The following IQCJ variants were observed in gnomAD, a reference collection of about 807,000 sequenced individuals.
IQCJ encodes the protein IQ domain-containing protein J.
A neutral mutation model predicts 11.0 loss-of-function variants in IQCJ; 9 were observed. The ratio of observed to expected loss-of-function variants is 0.82; its 90% CI spans 0.49 to 1.43. The LOEUF (loss-of-function observed/expected upper bound fraction) is 1.43. IQCJ is among the 40% of genes most tolerant of loss of function. The pLI is 0.00. For synonymous variants in IQCJ, 55 were observed against 51.3 expected, an observed-to-expected ratio of 1.07 and a Z score of -0.31; for missense variants, 146 against 133.2, an observed-to-expected ratio of 1.10 and a Z score of -0.47.
intron 1 of IQCJ, among the ~76,000 whole-genome samples, chr3:159,201,502 T>C (rs1431831499): frequency 7.9e-6 from 1 of 125,872 alleles, no homozygotes; most frequent in African/African-American, 2.9e-5. Flanking sequence ...GGTGATTCTT[T>C]GTGTATCTCT....
rs1275184100 is a variant in IQCJ at position 159,252,791 on chromosome 3, G to A, written c.139G>A (p.Glu47Lys). ...EKYPLNLQPL[E>K]SKVKIIQRAW... is the part of the protein sequence containing the mutation. ...GTATCCCCTCAATCTACAGCCCTTG[G>A]AATCAAAGGTGAAAATGTAAGTTAT... Residue 47 changes from glutamate to lysine, a missense_variant, in exon 3 of 4, where the codon GAA (glutamate) becomes AAA (lysine). Transcript: ENST00000397832. 6.2e-7 allele frequency: 1 copy of A among 1,611,438 alleles called. No homozygotes were observed. Among genetic ancestry groups the A allele is most frequent in the Non-Finnish European group, 8.5e-7 (1 of 1,178,762 alleles).
Position 159,263,102 on chromosome 3 carries a change from G to A in IQCJ, c.*371G>A. 2 of 991,456 alleles carry A rather than the reference G, an allele frequency of 2.0e-6. No individual in the cohort carries two copies. The highest frequency in any genetic ancestry group is 1.2e-6 in the Non-Finnish European group (1 of 832,848). 61.4% of individuals were successfully genotyped at this position (991,456 alleles called of 1,614,324 possible). ...GAATTGAAAGTGGTCACACACTCAG[G>A]GGTTGCAACTTAAATGTCTCCAGGG... On this transcript the variant is annotated 3_prime_UTR_variant, in exon 4 of 4. Transcript: ENST00000397832.
chr3:159,154,122 A>G (rs996859463), intron 1 of IQCJ, among the ~76,000 whole-genome samples: 1 of 152,220 alleles, frequency 6.6e-6, no homozygotes, highest in East Asian at 1.9e-4. Context: ...CAAAAAATCT[A>G]AACCCCCAAA....
At chr3:159,256,457 T>C (rs894940910) in intron 3 of IQCJ, among the ~76,000 whole-genome samples, 2 of 152,176 alleles carry the variant, frequency 1.3e-5, no homozygotes, top group Non-Finnish European at 2.9e-5. Flanking sequence ...TTGAGAGTAA[T>C]ACATTTCTAC....
At chr3:159,072,640 T>A (rs1715651901) in intron 1 of IQCJ, among the ~76,000 whole-genome samples, 1 of 152,162 alleles carries the variant, frequency 6.6e-6, no homozygotes, top group Non-Finnish European at 1.5e-5. Context: ...ATAATAATTT[T>A]AATTCATATT....
intron 1 of IQCJ, among the ~76,000 whole-genome samples, chr3:159,182,626 C>T (rs926629827): frequency 4.6e-5 from 7 of 151,768 alleles, no homozygotes; most frequent in African/African-American, 7.3e-5. Context: ...GGGTCGTGAT[C>T]GATTGAGCAA....
chr3:159,265,711 G>A, downstream of IQCJ: 1 of 199,728 alleles, frequency 5.0e-6, no homozygotes, highest in Non-Finnish European at 1.0e-5. Context: ...CTTGTCCCAA[G>A]TCCCTTCCTT....
At chr3:159,125,054 T>A (rs1719597483) in intron 1 of IQCJ, among the ~76,000 whole-genome samples, 1 of 152,122 alleles carries the variant, frequency 6.6e-6, no homozygotes, top group Non-Finnish European at 1.5e-5. Context: ...TTTCCAAATA[T>A]TGTGGTATGA....
At chr3:159,162,168 G>A (rs563505960) in intron 1 of IQCJ, among the ~76,000 whole-genome samples, 4 of 152,260 alleles carry the variant, frequency 2.6e-5, no homozygotes, top group East Asian at 3.9e-4. Flanking sequence ...CATGAGCATG[G>A]AATGTTCTTC....
At chr3:159,224,251 T>G (rs1243948532) in intron 1 of IQCJ, among the ~76,000 whole-genome samples, 1 of 152,086 alleles carries the variant, frequency 6.6e-6, no homozygotes, top group East Asian at 1.9e-4. Context: ...TAGAACAATT[T>G]GAGTTATAGT....
At chr3:159,153,036 T>C (rs1345612351) in intron 1 of IQCJ, among the ~76,000 whole-genome samples, 1 of 152,190 alleles carries the variant, frequency 6.6e-6, no homozygotes, top group South Asian at 2.1e-4. Context: ...CCTGAGTCAT[T>C]TCAGGAAAGC....
intron 1 of IQCJ, among the ~76,000 whole-genome samples, chr3:159,235,914 G>A (rs1222189600): frequency 6.6e-6 from 1 of 152,170 alleles, no homozygotes; most frequent in African/African-American, 2.4e-5. Context: ...GGCAGCTAAT[G>A]TTAATAATAA....
At chr3:159,142,431 C>G (rs537573629) in intron 1 of IQCJ, among the ~76,000 whole-genome samples, 16 of 129,920 alleles carry the variant, frequency 1.2e-4, no homozygotes, top group Admixed American at 5.5e-4. Flanking sequence ...TTTCCCCCCC[C>G]CACCAGATGG....
chr3:159,102,011 G>T (rs1717961316), intron 1 of IQCJ, among the ~76,000 whole-genome samples: 1 of 152,180 alleles, frequency 6.6e-6, no homozygotes, highest in African/African-American at 2.4e-5. Context: ...ATCACATCTG[G>T]TGTGAGATGT....
rs376964217 is a variant in IQCJ, at chr3:159,091,748, TG to T, written c.9+22310del. ...TGAAGGACTTCCTTTGGCTAAAATTTGGGACAATTTGAGTATCAGAATGATA... is the reference window on the plus strand; with the variant it reads ...TGAAGGACTTCCTTTGGCTAAAATTTGGACAATTTGAGTATCAGAATGATA... On this transcript the variant is annotated intron_variant, in intron 1 of 3. Coordinates refer to ENST00000397832, the MANE Select transcript of IQCJ (RefSeq NM_001042706.3). 5.1e-4 allele frequency among the ~76,000 whole-genome samples: 77 copies of T among 150,754 alleles called. 2 individuals are homozygous for T. In the South Asian group the frequency reaches 0.016, roughly 31 times the overall value.
At chr3:159,173,785 A>G (rs1722626992) in intron 1 of IQCJ, among the ~76,000 whole-genome samples, 2 of 152,080 alleles carry the variant, frequency 1.3e-5, no homozygotes, top group South Asian at 4.1e-4. Flanking sequence ...ATATTCTTCA[A>G]TTTTACTACA....
chr3:159,079,047 A>G (rs946017168), intron 1 of IQCJ, among the ~76,000 whole-genome samples: 2 of 152,096 alleles, frequency 1.3e-5, no homozygotes, highest in Admixed American at 1.3e-4. Context: ...ACTTTTGTCT[A>G]CTTGGAGGTG....
At chr3:159,077,834 TA>T (rs1716030794) in intron 1 of IQCJ, among the ~76,000 whole-genome samples, 2 of 152,216 alleles carry the variant, frequency 1.3e-5, no homozygotes, top group East Asian at 1.9e-4. Flanking sequence ...AAATAGTCAA[TA>T]AAAAATTCCT....
chr3:159,093,430 A>G (rs546653791), intron 1 of IQCJ, among the ~76,000 whole-genome samples: 1 of 151,960 alleles, frequency 6.6e-6, no homozygotes, highest in South Asian at 2.1e-4. Context: ...AAGGTTTTAC[A>G]TCTTTTTGTC....
Sources: allele counts gnomAD v4.1 joint callset (sites outside exome capture counted in the v4.1 genomes callset), GRCh38; gene constraint gnomAD v4.1.1; transcripts MANE v1.5; gene names NCBI Gene and HGNC (gene_info 2026-07-23, HGNC 2026-07-21).